PTCHD4: variants seen among roughly 807,000 people sequenced by gnomAD.
PTCHD4 encodes the protein patched domain containing 4, also known as patched domain-containing protein 4.
A neutral mutation model predicts 58.1 loss-of-function variants in PTCHD4; 33 were observed. The ratio of observed to expected loss-of-function variants is 0.57; its 90% CI spans 0.43 to 0.76. The LOEUF is 0.76. Ranked by LOEUF, PTCHD4 falls within the 30% of genes least tolerant of loss-of-function variation. The probability of loss-of-function intolerance (pLI) is 0.00; values close to 1 mark genes in which losing one functional copy is unlikely to be tolerated. For synonymous variants in PTCHD4, 478 were observed against 409.6 expected, an observed-to-expected ratio of 1.17 and a Z score of -2.02; for missense variants, 1,058 against 1,027.1, an observed-to-expected ratio of 1.03 and a Z score of -0.41.
chr6:47,871,898 G>A lies in PTCHD4; in HGVS notation c.*6405C>T, dbSNP rs977317501. Reference sequence around the variant, plus strand: ...AACTTTGGGATATTTGCATTGACTAGTTTAAGGTCTAGTTTATCAGTTTGT... The same window carrying A: ...AACTTTGGGATATTTGCATTGACTAATTTAAGGTCTAGTTTATCAGTTTGT... On this transcript the variant is annotated 3_prime_UTR_variant, in exon 5 of 5. Transcript: ENST00000339488. Among the ~76,000 whole-genome samples, 36 of 151,724 alleles carry A rather than the reference G, an allele frequency of 2.4e-4. No individual in the cohort carries two copies. The highest frequency in any genetic ancestry group is 8.4e-4 in the African/African-American group (35 of 41,466).
At chr6:48,015,170 C>T (rs1262507310) in intron 3 of PTCHD4, among the ~76,000 whole-genome samples, 3 of 152,028 alleles carry the variant, frequency 2.0e-5, no homozygotes, top group African/African-American at 4.8e-5. Context: ...GTTTTCAATG[C>T]TCTCCTATGT....
At chr6:47,906,666 C>T (rs563379858) in intron 4 of PTCHD4, among the ~76,000 whole-genome samples, 1 of 152,096 alleles carries the variant, frequency 6.6e-6, no homozygotes, top group Admixed American at 6.6e-5. Flanking sequence ...AATCTTCTAC[C>T]CAGGATAAAA....
chr6:47,921,846 C>T (rs187507177), intron 4 of PTCHD4, among the ~76,000 whole-genome samples: 23 of 151,548 alleles, frequency 1.5e-4, no homozygotes, highest in Admixed American at 1.3e-3. Context: ...TAGGGTGGCT[C>T]ATGCCTATAA....
chr6:48,007,555 T>C (rs930866118), intron 4 of PTCHD4, among the ~76,000 whole-genome samples: 1 of 152,194 alleles, frequency 6.6e-6, no homozygotes, highest in African/African-American at 2.4e-5. Context: ...AGGACATATA[T>C]TACAATCCAG....
At position 48,068,411 on chromosome 6, in the gene PTCHD4, T is replaced by G. The variant is rs1306879766; in HGVS notation, c.236A>C (p.Lys79Thr). 6.2e-7 allele frequency: 1 copy of G among 1,613,958 alleles called. No homozygotes were observed. Residue 79 changes from lysine to threonine, a missense_variant, in exon 3 of 5, where the codon AAG (lysine) becomes ACG (threonine). Physicochemically the swap from Lys to Thr is moderately conservative, Grantham distance 78 (BLOSUM62 -1). Coordinates refer to ENST00000339488, the MANE Select transcript of PTCHD4 (RefSeq NM_001384253.1). The surrounding 1 kb of genome is among the most constrained non-coding windows in gnomAD (Gnocchi z 4.2). ...RLVAPSHSLAKIERSLASSLF... is the reference protein window; with the variant it reads ...RLVAPSHSLATIERSLASSLF... ...GCTGCTGGCCAGGCTGCGCTCGATCTTGGCCAGGCTGTGGCTGGGAGCGAC... is the reference window on the plus strand; with the variant it reads ...GCTGCTGGCCAGGCTGCGCTCGATCGTGGCCAGGCTGTGGCTGGGAGCGAC...
chr6:47,886,594 A>G (rs577481749), intron 4 of PTCHD4, among the ~76,000 whole-genome samples: 1 of 152,288 alleles, frequency 6.6e-6, no homozygotes, highest in South Asian at 2.1e-4. Context: ...TGTTTGTGAA[A>G]ATCACCCCCG....
chr6:48,052,178 C>T (rs1764257528), intron 3 of PTCHD4, among the ~76,000 whole-genome samples: 1 of 151,936 alleles, frequency 6.6e-6, no homozygotes, highest in African/African-American at 2.4e-5. Flanking sequence ...ATCATATGCA[C>T]TTAGGAGGTG....
chr6:47,933,605 G>C (rs1174558591), intron 4 of PTCHD4, among the ~76,000 whole-genome samples: 1 of 152,138 alleles, frequency 6.6e-6, no homozygotes, highest in Admixed American at 6.6e-5. Flanking sequence ...CAAAAACTGA[G>C]TTTTGGCCTA....
At chr6:48,041,625 T>C (rs185143895) in intron 3 of PTCHD4, among the ~76,000 whole-genome samples, 7 of 152,182 alleles carry the variant, frequency 4.6e-5, no homozygotes, top group African/African-American at 1.4e-4. Flanking sequence ...CTAAAGATGT[T>C]ATTGAGATTA....
intron 4 of PTCHD4, among the ~76,000 whole-genome samples, chr6:47,906,362 C>G (rs546780533): frequency 6.6e-6 from 1 of 152,320 alleles, no homozygotes; most frequent in South Asian, 2.1e-4. Context: ...TCAGTCTTTT[C>G]CTTGCCCTCC....
rs1017437890 is a variant in PTCHD4, at chr6:47,966,025, A to T, written c.898+42609T>A. Among the ~76,000 whole-genome samples, 12 of 152,336 alleles carry T rather than the reference A, an allele frequency of 7.9e-5. No individual in the cohort carries two copies. The East Asian group carries it at 2.3e-3, about 29-fold the overall frequency. ...GCATTGAGGAATAAAATATGGAGAAAATATAAGTAAGAGATAGATGACATA... is the reference window on the plus strand; with the variant it reads ...GCATTGAGGAATAAAATATGGAGAATATATAAGTAAGAGATAGATGACATA... On this transcript the variant is annotated intron_variant, in intron 4 of 4. Coordinates refer to ENST00000339488, the MANE Select transcript of PTCHD4 (RefSeq NM_001384253.1).
At chr6:47,943,066 G>A (rs16876851) in intron 4 of PTCHD4, among the ~76,000 whole-genome samples, 6,356 of 152,162 alleles carry the variant, frequency 0.042, 245 homozygotes, top group African/African-American at 0.1. Context: ...CTGAATGCAC[G>A]TATCAGTAAT....
intron 3 of PTCHD4, among the ~76,000 whole-genome samples, chr6:48,021,119 T>A (rs1763053580): frequency 6.6e-6 from 1 of 152,016 alleles, no homozygotes; most frequent in Admixed American, 6.6e-5. Context: ...TTTTAAAAAA[T>A]CCTATTTTTA....
rs1451298400 is a variant in PTCHD4 at position 47,861,229 on chromosome 6, C to T, written c.*17074G>A. On this transcript the variant is annotated 3_prime_UTR_variant, in exon 5 of 5. Coordinates refer to ENST00000339488, the MANE Select transcript of PTCHD4 (RefSeq NM_001384253.1). ...CCTTCTAAATATGTCTTAGTCATTG[C>T]TGTGCTAAATAGAAGAGGTGGCAAC... Among the ~76,000 whole-genome samples, 1 of 151,890 alleles carries T rather than the reference C, an allele frequency of 6.6e-6. No homozygotes were observed.
intron 4 of PTCHD4, among the ~76,000 whole-genome samples, chr6:47,968,348 C>A (rs2113982736): frequency 6.6e-6 from 1 of 152,140 alleles, no homozygotes; most frequent in South Asian, 2.1e-4. Context: ...TCAAAGATCA[C>A]AAATCACCAC....
intron 3 of PTCHD4, among the ~76,000 whole-genome samples, chr6:48,020,794 C>T (rs935273833): frequency 1.3e-5 from 2 of 152,042 alleles, no homozygotes; most frequent in Non-Finnish European, 2.9e-5. Context: ...ATGATCTCCA[C>T]TACTATGTAA....
At chr6:47,952,165 G>A (rs958782217) in intron 4 of PTCHD4, among the ~76,000 whole-genome samples, 8 of 152,116 alleles carry the variant, frequency 5.3e-5, no homozygotes, top group South Asian at 2.1e-4. Context: ...TAGTGGTAAG[G>A]TAATTTGAGC....
intron 4 of PTCHD4, among the ~76,000 whole-genome samples, chr6:47,965,945 A>C (rs984596405): frequency 3.3e-5 from 5 of 152,080 alleles, no homozygotes; most frequent in South Asian, 2.1e-4. Flanking sequence ...AACAAACAAA[A>C]AACAACAACA....
At chr6:48,093,372 T>C (rs1765403144) in intron 1 of PTCHD4, among the ~76,000 whole-genome samples, 1 of 152,114 alleles carries the variant, frequency 6.6e-6, no homozygotes, top group African/African-American at 2.4e-5. Context: ...ATAGAATGCA[T>C]TTTAAAGTAT....
Sources: gnomAD v4.1 joint callset for allele counts (sites outside exome capture counted in the v4.1 genomes callset) on GRCh38, gnomAD v4.1.1 for gene constraint, Gnocchi (gnomAD v3.1) non-coding constraint, MANE v1.5 for transcripts, NCBI Gene and HGNC (gene_info 2026-07-23, HGNC 2026-07-21) for gene names.